Variants in LARGE1 observed in about 807,000 individuals in gnomAD.
LARGE1 encodes xylosyl- and glucuronyltransferase LARGE1.
LARGE1 carries 43 observed loss-of-function variants against 87.6 expected under a neutral mutation model. The observed-to-expected ratio is 0.49, with a 90% CI of 0.38 to 0.63. The LOEUF (loss-of-function observed/expected upper bound fraction) is 0.63, where lower values mean the gene tolerates loss of function less well. Among genes scored for constraint, LARGE1 ranks in the 30% least tolerant of loss-of-function variants. The pLI, the probability that LARGE1 is intolerant of heterozygous loss-of-function variation, is 0.00. For missense variants in LARGE1, 802 were observed against 1,000.2 expected, an observed-to-expected ratio of 0.80 and a Z score of 2.67; for synonymous variants, 434 against 394.6, an observed-to-expected ratio of 1.10 and a Z score of -1.18.
At chr22:33,739,978 C>A (rs374602082) in intron 2 of LARGE1, among the ~76,000 whole-genome samples, 1 of 152,176 alleles carries the variant, frequency 6.6e-6, no homozygotes, top group African/African-American at 2.4e-5. Context: ...AATTTGAGAG[C>A]TGAGGCACTG....
At chr22:33,710,115 C>T (rs1161787702) in intron 2 of LARGE1, among the ~76,000 whole-genome samples, 4 of 150,808 alleles carry the variant, frequency 2.7e-5, no homozygotes, top group South Asian at 2.1e-4. Flanking sequence ...GAGCAAAGAA[C>T]TACCCTGGGC....
At chr22:33,908,485 GA>G (rs1159423141) in intron 1 of LARGE1, among the ~76,000 whole-genome samples, 7 of 140,470 alleles carry the variant, frequency 5.0e-5, no homozygotes, top group East Asian at 2.2e-4. Context: ...GGTCTAGGGG[GA>G]AAAAAATCAG....
intron 1 of LARGE1, among the ~76,000 whole-genome samples, chr22:33,772,895 G>A (rs2145829016): frequency 6.6e-6 from 1 of 152,262 alleles, no homozygotes; most frequent in East Asian, 1.9e-4. Flanking sequence ...GCCATCATCA[G>A]GCGGCCTGCA....
chr22:33,880,006 C>T (rs1338197146), intron 1 of LARGE1, among the ~76,000 whole-genome samples: 2 of 152,210 alleles, frequency 1.3e-5, no homozygotes, highest in Non-Finnish European at 2.9e-5. Flanking sequence ...CCATGGGTGG[C>T]TTCTCCACCA....
At chr22:33,293,322 T>A (rs942987505) in intron 12 of LARGE1, among the ~76,000 whole-genome samples, 1 of 152,228 alleles carries the variant, frequency 6.6e-6, no homozygotes, top group Non-Finnish European at 1.5e-5. Context: ...TTACTTCTCT[T>A]AATTATTGCA....
At chr22:33,566,220 A>G (rs1054382395) in intron 5 of LARGE1, among the ~76,000 whole-genome samples, 1 of 152,228 alleles carries the variant, frequency 6.6e-6, no homozygotes, top group South Asian at 2.1e-4. Context: ...ATGCCCCAAA[A>G]TGGAACAATT....
intron 2 of LARGE1, among the ~76,000 whole-genome samples, chr22:33,674,674 G>A (rs956187442): frequency 2.0e-5 from 3 of 152,078 alleles, no homozygotes; most frequent in Non-Finnish European, 2.9e-5. Context: ...ACTCTTCCAG[G>A]ATCTCTGTCT....
the LARGE1 span, among the ~76,000 whole-genome samples, chr22:33,070,748 T>A: frequency 1.3e-5 from 2 of 152,152 alleles, no homozygotes; most frequent in Non-Finnish European, 2.9e-5. Flanking sequence ...CTGAGGGGAA[T>A]CTTCAAGAAC....
At chr22:33,520,145 C>T (rs2071510983) in intron 6 of LARGE1, among the ~76,000 whole-genome samples, 1 of 151,914 alleles carries the variant, frequency 6.6e-6, no homozygotes, top group Non-Finnish European at 1.5e-5. Context: ...GCTGGGGCTA[C>T]AGGCCTGTGC....
At chr22:33,780,375 G>C (rs1296196052) in intron 1 of LARGE1, among the ~76,000 whole-genome samples, 1 of 152,180 alleles carries the variant, frequency 6.6e-6, no homozygotes, top group African/African-American at 2.4e-5. Context: ...CTGTGAGACA[G>C]AGTCAAAAAG....
chr22:33,345,092 AATT>A (rs1939604485), intron 9 of LARGE1, among the ~76,000 whole-genome samples: 2 of 152,186 alleles, frequency 1.3e-5, no homozygotes, highest in South Asian at 2.1e-4. Context: ...TAATAATAAT[AATT>A]ATTATTAGCA....
intron 1 of LARGE1, among the ~76,000 whole-genome samples, chr22:33,887,421 C>A (rs969008821): frequency 3.3e-5 from 5 of 152,120 alleles, no homozygotes. Context: ...TCTAGCACTG[C>A]GAGACCTAAA....
chr22:33,085,616 T>C, the LARGE1 span, among the ~76,000 whole-genome samples: 1 of 152,244 alleles, frequency 6.6e-6, no homozygotes, highest in African/African-American at 2.4e-5. Flanking sequence ...ATTTGTCTTG[T>C]CATTTTTGCA....
At chr22:33,253,393 C>A (rs765789675) in intron 11 of LARGE1, among the ~76,000 whole-genome samples, 5 of 152,144 alleles carry the variant, frequency 3.3e-5, no homozygotes, top group Non-Finnish European at 7.3e-5. Flanking sequence ...GCCTCTGAGA[C>A]TGTAAGTATG....
At chr22:33,832,606 C>G (rs1022388506) in intron 1 of LARGE1, among the ~76,000 whole-genome samples, 1 of 152,174 alleles carries the variant, frequency 6.6e-6, no homozygotes, top group South Asian at 2.1e-4. Flanking sequence ...ATGCGGCAAC[C>G]CCAGAGGGCT....
At chr22:33,169,564 C>A (rs1212282996) in intron 11 of LARGE1, among the ~76,000 whole-genome samples, 2 of 151,884 alleles carry the variant, frequency 1.3e-5, no homozygotes, top group Non-Finnish European at 2.9e-5. Flanking sequence ...TAAAAATGTC[C>A]TGAGGGGCTG....
chr22:33,196,007 C>T (rs1282753815), intron 11 of LARGE1, among the ~76,000 whole-genome samples: 7 of 151,504 alleles, frequency 4.6e-5, no homozygotes, highest in Admixed American at 6.6e-5. Context: ...GTCCGCCCGT[C>T]TCAGCCTCCC....
intron 10 of LARGE1, among the ~76,000 whole-genome samples, chr22:33,319,833 C>T (rs1013456130): frequency 5.9e-5 from 9 of 152,238 alleles, no homozygotes; most frequent in East Asian, 1.9e-4. Context: ...ATCAACCTCC[C>T]GAGCTCCTGC....
At chr22:33,470,740 C>T (rs1021207529) in intron 6 of LARGE1, among the ~76,000 whole-genome samples, 8 of 152,190 alleles carry the variant, frequency 5.3e-5, no homozygotes, top group Non-Finnish European at 1.0e-4. Context: ...GAATGCAGGT[C>T]CCCATTCTGG....
Sources: allele counts gnomAD v4.1 joint callset (sites outside exome capture counted in the v4.1 genomes callset), GRCh38; gene constraint gnomAD v4.1.1; transcripts MANE v1.5; gene names NCBI Gene and HGNC (gene_info 2026-07-23, HGNC 2026-07-21).